Variants in GAS7 observed in about 807,000 individuals in gnomAD.
The protein encoded by GAS7 is growth arrest-specific protein 7.
A neutral mutation model predicts 71.1 loss-of-function variants in GAS7; 28 were observed. The ratio of observed to expected loss-of-function variants is 0.39; its 90% CI spans 0.29 to 0.54. GAS7 has a LOEUF of 0.54. Ranked by LOEUF, GAS7 falls within the 20% of genes least tolerant of loss-of-function variation. GAS7 has a pLI of 0.62. For missense variants in GAS7, 436 were observed against 627.8 expected, an observed-to-expected ratio of 0.69 and a Z score of 3.27; for synonymous variants, 258 against 245.8, an observed-to-expected ratio of 1.05 and a Z score of -0.46.
At chr17:10,078,272 A>G (rs991880033) in intron 1 of GAS7, among the ~76,000 whole-genome samples, 1 of 151,966 alleles carries the variant, frequency 6.6e-6, no homozygotes, top group African/African-American at 2.4e-5. Context: ...TTGTATTTTT[A>G]GTACAGATGG....
chr17:9,923,742 G>A lies in GAS7; in HGVS notation c.1138+1734C>T, dbSNP rs374542720. Among the ~76,000 whole-genome samples, 36 of 152,298 alleles carry A rather than the reference G, an allele frequency of 2.4e-4. 2 individuals are homozygous for A. The highest frequency in any genetic ancestry group is 8.4e-4 in the African/African-American group (35 of 41,556). On this transcript the variant is annotated intron_variant, in intron 11 of 13. Coordinates refer to ENST00000432992, the MANE Select transcript of GAS7 (RefSeq NM_201433.2). ...GCAATTTGGAAATATCCATCAAGACGAATAATACCCTTTGACTCAGCAACT... is the reference window on the plus strand; with the variant it reads ...GCAATTTGGAAATATCCATCAAGACAAATAATACCCTTTGACTCAGCAACT...
chr17:10,184,630 G>A (rs2074438923), intron 1 of GAS7, among the ~76,000 whole-genome samples: 1 of 150,024 alleles, frequency 6.7e-6, no homozygotes, highest in Non-Finnish European at 1.5e-5. Flanking sequence ...TCCCAGTGTG[G>A]TGTAATATGA....
intron 1 of GAS7, among the ~76,000 whole-genome samples, chr17:10,126,062 T>C (rs2073943479): frequency 6.6e-6 from 1 of 152,090 alleles, no homozygotes; most frequent in Non-Finnish European, 1.5e-5. Flanking sequence ...CCCTCTGACC[T>C]GCCAGGGACC....
intron 1 of GAS7, among the ~76,000 whole-genome samples, chr17:10,115,038 G>T (rs28623509): frequency 0.3 from 45,203 of 150,966 alleles, 6,810 homozygotes; most frequent in Non-Finnish European, 0.33. Flanking sequence ...TGTCTGTCTG[G>T]CTGGCTGGCT....
At chr17:10,104,351 CT>C (rs2073737674) in intron 1 of GAS7, among the ~76,000 whole-genome samples, 1 of 152,178 alleles carries the variant, frequency 6.6e-6, no homozygotes, top group African/African-American at 2.4e-5. Flanking sequence ...AAGTAGTCAC[CT>C]TTTTGGATCA....
intron 1 of GAS7, among the ~76,000 whole-genome samples, chr17:10,029,208 T>C (rs8079743): frequency 0.33 from 50,216 of 152,092 alleles, 8,677 homozygotes; most frequent in African/African-American, 0.44. Context: ...TCAAAAGACA[T>C]CTCCGGTGCA....
intron 2 of GAS7, among the ~76,000 whole-genome samples, chr17:9,982,569 G>C (rs1172827334): frequency 6.6e-6 from 1 of 152,108 alleles, no homozygotes; most frequent in Non-Finnish European, 1.5e-5. Context: ...TTGAGGTCAG[G>C]AGTTCGAGAC....
intron 7 of GAS7, among the ~76,000 whole-genome samples, chr17:9,942,114 C>T (rs1446892705): frequency 1.3e-5 from 2 of 151,968 alleles, no homozygotes; most frequent in Non-Finnish European, 2.9e-5. Flanking sequence ...ATTAGCTGGG[C>T]GTGGTGGTAC....
chr17:10,032,770 G>C (rs1225919499), intron 1 of GAS7, among the ~76,000 whole-genome samples: 1 of 152,176 alleles, frequency 6.6e-6, no homozygotes, highest in African/African-American at 2.4e-5. Context: ...ACACTTTTGG[G>C]CTCTAAAGAG....
intron 1 of GAS7, among the ~76,000 whole-genome samples, chr17:10,173,564 C>G (rs920122282): frequency 4.6e-5 from 7 of 151,784 alleles, no homozygotes; most frequent in African/African-American, 1.7e-4. Context: ...GTCAGGAGAT[C>G]AAGACCATCC....
chr17:9,978,793 A>G (rs1024565051), intron 3 of GAS7, among the ~76,000 whole-genome samples: 15 of 152,318 alleles, frequency 9.8e-5, no homozygotes, highest in Admixed American at 5.9e-4. Flanking sequence ...ATGCTGACGT[A>G]GGGAGCTGCT....
rs184185309 is a variant in GAS7, at chr17:10,025,891, C to T, written c.184-5994G>A. 4.0e-4 allele frequency among the ~76,000 whole-genome samples: 61 copies of T among 152,286 alleles called. 1 individual carries two copies. The highest frequency in any genetic ancestry group is 1.4e-3 in the African/African-American group (59 of 41,556). On this transcript the variant is annotated intron_variant, in intron 1 of 13. Coordinates refer to ENST00000432992, the MANE Select transcript of GAS7 (RefSeq NM_201433.2). ...ACTGAGATCATAGAATTTTTATAAG[C>T]ATGATTTGTAAAAAGACAGTGTTGG...
At chr17:10,095,648 T>C (rs2073633356) in intron 1 of GAS7, among the ~76,000 whole-genome samples, 1 of 151,884 alleles carries the variant, frequency 6.6e-6, no homozygotes, top group Non-Finnish European at 1.5e-5. Context: ...GGTGAAACCC[T>C]GTCTCTTCCA....
chr17:9,922,899 T>G (rs769537712), intron 11 of GAS7, among the ~76,000 whole-genome samples: 13 of 152,190 alleles, frequency 8.5e-5, no homozygotes, highest in Non-Finnish European at 2.9e-5. Flanking sequence ...CACTGTCTTT[T>G]TTTGTTTGTT....
Position 9,917,055 on chromosome 17 carries a change from T to C in GAS7, c.*173A>G. The C allele has an allele frequency of 1.6e-6, 1 of 606,196 alleles. No individual in the cohort carries two copies. Among genetic ancestry groups the C allele is most frequent in the Non-Finnish European group, 3.0e-6 (1 of 338,708 alleles). The allele number at this position is 606,196 out of a possible 1,614,324, so 37.6% of individuals were successfully genotyped here. On this transcript the variant is annotated 3_prime_UTR_variant, in exon 14 of 14. Transcript: ENST00000432992. The stretch of plus-strand genomic sequence containing the variant: ...TGGGTCTGTCTTCTGGGCCTGGGAA[T>C]ATGGGGGAGCCCCCAGCTAGGCTGT...
At chr17:10,185,442 G>A (rs1366640879) in intron 1 of GAS7, among the ~76,000 whole-genome samples, 1 of 152,124 alleles carries the variant, frequency 6.6e-6, no homozygotes, top group Non-Finnish European at 1.5e-5. Flanking sequence ...TCTTCTCCCA[G>A]CTTCTCCTGG....
intron 2 of GAS7, among the ~76,000 whole-genome samples, chr17:9,996,593 ATGTG>A (rs10598229): frequency 7.5e-5 from 11 of 146,794 alleles, no homozygotes; most frequent in African/African-American, 1.3e-4. Flanking sequence ...CTATATATAT[ATGTG>A]TGTGTGTGTG....
chr17:10,042,292 C>CA (rs58391348), intron 1 of GAS7, among the ~76,000 whole-genome samples: 1,546 of 95,062 alleles, frequency 0.016, 15 homozygotes, highest in Admixed American at 0.028. Flanking sequence ...GAGACTCCGT[C>CA]AAAAAAAAAA....
chr17:10,136,824 A>G (rs2074042194), intron 1 of GAS7, among the ~76,000 whole-genome samples: 1 of 152,184 alleles, frequency 6.6e-6, no homozygotes, highest in Non-Finnish European at 1.5e-5. Context: ...TTGACCTCTT[A>G]GACCTCAAAT....
Sources: allele counts gnomAD v4.1 joint callset (sites outside exome capture counted in the v4.1 genomes callset), GRCh38; gene constraint gnomAD v4.1.1; transcripts MANE v1.5; gene names NCBI Gene and HGNC (gene_info 2026-07-23, HGNC 2026-07-21).